ACBD3: variants seen among roughly 807,000 people sequenced by gnomAD.
ACBD3 encodes Golgi resident protein GCP60.
In ACBD3, 30 loss-of-function variants were observed where a neutral mutation model predicts 66.9. That is an observed-to-expected ratio of 0.45 (90% CI 0.34 to 0.61). The LOEUF is 0.61. Ranked by LOEUF, ACBD3 falls within the 20% of genes least tolerant of loss-of-function variation. The pLI, the probability that ACBD3 is intolerant of heterozygous loss-of-function variation, is 0.02. For synonymous variants in ACBD3, 278 were observed against 259.8 expected, an observed-to-expected ratio of 1.07 and a Z score of -0.68; for missense variants, 544 against 664.5, an observed-to-expected ratio of 0.82 and a Z score of 1.99.
intron 3 of ACBD3, among the ~76,000 whole-genome samples, chr1:226,162,237 T>A (rs970178263): frequency 2.7e-5 from 4 of 148,654 alleles, no homozygotes; most frequent in Non-Finnish European, 3.0e-5. Context: ...CATTGCCTAA[T>A]ATGTAAAGAC....
intron 3 of ACBD3, among the ~76,000 whole-genome samples, chr1:226,163,242 C>T (rs1310268188): frequency 6.6e-6 from 1 of 152,136 alleles, no homozygotes; most frequent in Admixed American, 6.5e-5. Context: ...GACTTTATCC[C>T]ATGACAAAAG....
chr1:226,175,853 A>C (rs1656018907), intron 1 of ACBD3, among the ~76,000 whole-genome samples: 1 of 152,242 alleles, frequency 6.6e-6, no homozygotes, highest in African/African-American at 2.4e-5. Context: ...ATAAAAAGGT[A>C]AAACGAATAA....
At position 226,165,911 on chromosome 1, in the gene ACBD3, G is replaced by A. The variant is rs1204625668; in HGVS notation, c.376C>T (p.Pro126Ser). ...AATCCAACCTCAGGACAAGTGTCTG[G>A]ATTATATGGGCCCATAAGAACTTGC... is the stretch of plus-strand genomic sequence containing the variant. ...HKQVLMGPYN[P>S]DTCPEVGFFD... is the part of the protein sequence containing the mutation. Residue 126 changes from proline (P) to serine (S), a missense_variant, in exon 2 of 8, where the codon CCA becomes TCA. Pro to Ser is a moderately conservative substitution (Grantham distance 74). This residue lies in a region of ACBD3 where 24 missense variants were observed against 56.2 expected (regional missense o/e 0.43). Transcript: ENST00000366812. 12 of 1,613,310 alleles carry A rather than the reference G, an allele frequency of 7.4e-6. 2 individuals carry two copies. The South Asian group carries it at 1.2e-4, about 16-fold the overall frequency.
rs575374473 is a variant in ACBD3, at chr1:226,146,785, G to C, written c.1412C>G (p.Ala471Gly). Reference protein sequence around the residue: ...IGCEEKAKKNANKPLLDEIVP... With the variant: ...IGCEEKAKKNGNKPLLDEIVP... The stretch of plus-strand genomic sequence containing the variant: ...AATCTCATCCAGCAAAGGCTTGTTG[G>C]CATTCTTTTTGGCTTTCTCTTCACA... Residue 471 changes from alanine to glycine, a missense_variant, in exon 8 of 8, where the codon GCC (alanine) becomes GGC (glycine). Physicochemically the swap from Ala to Gly is moderately conservative, Grantham distance 60. This residue lies in a region of ACBD3 where 383 missense variants were observed against 462.4 expected (regional missense o/e 0.83). Transcript: ENST00000366812. 4.3e-6 allele frequency: 7 copies of C among 1,614,080 alleles called. No homozygotes were observed. The East Asian group carries it at 1.6e-4, about 36-fold the overall frequency.
chr1:226,169,497 C>T (rs1193656713), intron 1 of ACBD3, among the ~76,000 whole-genome samples: 1 of 151,266 alleles, frequency 6.6e-6, no homozygotes, highest in Non-Finnish European at 1.5e-5. Context: ...GATCTGCCCG[C>T]CTCGGCCTCC....
At chr1:226,157,638 C>T (rs966651450) in intron 5 of ACBD3, among the ~76,000 whole-genome samples, 1 of 152,158 alleles carries the variant, frequency 6.6e-6, no homozygotes, top group African/African-American at 2.4e-5. Flanking sequence ...CTCCTGAGCT[C>T]GAGTGATCCT....
Position 226,186,704 on chromosome 1 carries a change from A to G in ACBD3, c.-29T>C. 6.9e-7 allele frequency: 1 copy of G among 1,454,526 alleles called. No homozygotes were observed. The highest frequency in any genetic ancestry group is 9.0e-7 in the Non-Finnish European group (1 of 1,108,434). 90.1% of individuals were successfully genotyped at this position (1,454,526 alleles called of 1,614,324 possible). ...CGGCTGCTGCACCTCCTCAGCGGGG[A>G]CAGACGGCAGCCACGTATCGACTTC... is the stretch of plus-strand genomic sequence containing the variant. On this transcript the variant is annotated 5_prime_UTR_variant, in exon 1 of 8. Transcript: ENST00000366812.
In ACBD3 at chr1:226,145,408, T is replaced by A. The variant is rs1200883166; in HGVS notation, c.*1202A>T. On this transcript the variant is annotated 3_prime_UTR_variant, in exon 8 of 8. Transcript: ENST00000366812. ...AAGTGTATATTGCCATCTTTGTCAT[T>A]TTCTATCTATACCACTCTCCCTTCT... The A allele has an allele frequency of 6.6e-6, 1 of 152,448 alleles. No individual in the cohort carries two copies. Among genetic ancestry groups the A allele is most frequent in the African/African-American group, 2.4e-5 (1 of 41,462 alleles). 9.4% of individuals were successfully genotyped at this position (152,448 alleles called of 1,614,324 possible).
rs1468199621 is a variant in ACBD3, at chr1:226,159,219, G to A, written c.868C>T (p.Gln290Ter). Residue 290 changes from glutamine to a stop codon, truncating the protein, a stop_gained, in exon 5 of 8, where the codon CAG becomes TAG. Coordinates refer to ENST00000366812, the MANE Select transcript of ACBD3 (RefSeq NM_022735.4). LOFTEE classifies it high-confidence loss of function. ...LQEQHYQQYM[Q>*]QLYQVQLAQQ... ...GCAAGCTGGACTTGATACAACTGCT[G>A]CATGTACTGCTGATAGTGTTGCTCC... is the stretch of plus-strand genomic sequence containing the variant. 6.2e-7 allele frequency: 1 copy of A among 1,614,174 alleles called. No individual in the cohort carries two copies. Among genetic ancestry groups the A allele is most frequent in the South Asian group, 1.1e-5 (1 of 91,086 alleles).
At chr1:226,180,410 A>G (rs1304909260) in intron 1 of ACBD3, among the ~76,000 whole-genome samples, 2 of 152,210 alleles carry the variant, frequency 1.3e-5, no homozygotes, top group Admixed American at 1.3e-4. Flanking sequence ...ATAATTTCTT[A>G]TAATTCCTAA....
intron 5 of ACBD3, 163 bp from the exon 6 acceptor site, chr1:226,154,996 T>C: frequency 4.6e-6 from 2 of 433,586 alleles, no homozygotes; most frequent in Non-Finnish European, 7.8e-6. Context: ...ATAATGAATA[T>C]TATTAGTACA....
rs1043641 is a variant in ACBD3, at chr1:226,145,292, C to T, written c.*1318G>A. ...CATATGTAGTGAACTGTATATACTG[C>T]AGTTAATGAAAACCCTCCTACAAGA... On this transcript the variant is annotated 3_prime_UTR_variant, in exon 8 of 8. Transcript: ENST00000366812. 0.14 allele frequency: 21,242 copies of T among 152,570 alleles called. 1,674 individuals are homozygous for T. The highest frequency in any genetic ancestry group is 0.22 in the Middle Eastern group (65 of 294). 9.5% of individuals were successfully genotyped at this position (152,570 alleles called of 1,614,324 possible). A position where few individuals can be genotyped will look rare whatever the true frequency, so the allele number is the denominator to read the frequency against.
intron 5 of ACBD3, among the ~76,000 whole-genome samples, chr1:226,158,949 C>A (rs942507121): frequency 6.6e-6 from 1 of 152,224 alleles, no homozygotes; most frequent in Non-Finnish European, 1.5e-5. Context: ...TCAACCCATA[C>A]AACTCCCAAA....
At position 226,145,202 on chromosome 1, in the gene ACBD3, G is replaced by C. The variant is rs1459591036; in HGVS notation, c.*1408C>G. The C allele has an allele frequency of 2.0e-5, 3 of 152,406 alleles. No individual in the cohort carries two copies. Among genetic ancestry groups the C allele is most frequent in the Non-Finnish European group, 4.4e-5 (3 of 68,000 alleles). The allele number at this position is 152,406 out of a possible 1,614,324, so 9.4% of individuals were successfully genotyped here. ...GAACAACCAAAAGAGAACAGAGTTA[G>C]ATATGTACAAAACCAGGTATTAAAA... On this transcript the variant is annotated 3_prime_UTR_variant, in exon 8 of 8. Coordinates refer to ENST00000366812, the MANE Select transcript of ACBD3 (RefSeq NM_022735.4).
At chr1:226,157,409 T>C (rs1173000779) in intron 5 of ACBD3, among the ~76,000 whole-genome samples, 2 of 152,150 alleles carry the variant, frequency 1.3e-5, no homozygotes, top group Non-Finnish European at 2.9e-5. Flanking sequence ...CAGGCTAATT[T>C]TGTATTTTTA....
intron 1 of ACBD3, among the ~76,000 whole-genome samples, chr1:226,178,598 A>C (rs1371514266): frequency 6.7e-6 from 1 of 149,494 alleles, no homozygotes; most frequent in Non-Finnish European, 1.5e-5. Flanking sequence ...AAAAAAGACT[A>C]TTAGGCTCAC....
Position 226,161,668 on chromosome 1 carries a change from C to G in ACBD3, c.591G>C (p.Arg197Ser), listed in dbSNP as rs754968861. Residue 197 changes from arginine to serine, a missense_variant, in exon 4 of 8, where the codon AGG becomes AGC. By Grantham distance (110) the Arg-to-Ser change is moderately radical. This residue lies in a region of ACBD3 where 383 missense variants were observed against 462.4 expected (regional missense o/e 0.83). Transcript: ENST00000366812. The part of the protein sequence containing the change: ...EKKRKEEEER[R>S]RREEEERERL... Reference sequence around the variant, plus strand: ...GTTCTCTTTCTTCCTCTTCACGCCGCCTTCGCTCCTCTTCCTCCTTCCTAC... The same window carrying G: ...GTTCTCTTTCTTCCTCTTCACGCCGGCTTCGCTCCTCTTCCTCCTTCCTAC... The G allele has an allele frequency of 2.6e-5, 41 of 1,601,996 alleles. No individual in the cohort carries two copies. The highest frequency in any genetic ancestry group is 3.3e-5 in the Non-Finnish European group (39 of 1,174,132).
At chr1:226,161,910 T>C (rs1659782202) in intron 3 of ACBD3, among the ~76,000 whole-genome samples, 1 of 152,188 alleles carries the variant, frequency 6.6e-6, no homozygotes, top group Non-Finnish European at 1.5e-5. Flanking sequence ...GCAACAGAAA[T>C]GTGTCCATCA....
At chr1:226,170,396 G>A (rs1326469597) in intron 1 of ACBD3, among the ~76,000 whole-genome samples, 1 of 135,758 alleles carries the variant, frequency 7.4e-6, no homozygotes, top group African/African-American at 2.8e-5. Context: ...GGATGATCTC[G>A]ATCTCCTGAC....
Sources: allele counts gnomAD v4.1 joint callset (sites outside exome capture counted in the v4.1 genomes callset), GRCh38; gene constraint gnomAD v4.1.1; regional missense constraint gnomAD v4.1.1; transcripts MANE v1.5; gene names NCBI Gene and HGNC (gene_info 2026-07-23, HGNC 2026-07-21).